ROR2: variants seen among roughly 807,000 people sequenced by gnomAD.
ROR2 encodes the protein tyrosine-protein kinase transmembrane receptor ROR2.
ROR2 carries 33 observed loss-of-function variants against 74.9 expected under a neutral mutation model. That is an observed-to-expected ratio of 0.44 (90% confidence interval 0.33 to 0.59). The LOEUF is 0.59. ROR2 is among the 20% of genes least tolerant of loss of function. The probability of loss-of-function intolerance (pLI) is 0.02; values close to 1 mark genes in which losing one functional copy is unlikely to be tolerated. For synonymous variants in ROR2, 586 were observed against 558.7 expected (o/e 1.05, Z -0.69); for missense variants, 1,216 against 1,313.8 (o/e 0.93, Z 1.15).
chr9:91,936,406 A>G (rs1174698810), intron 1 of ROR2, among the ~76,000 whole-genome samples: 1 of 152,074 alleles, frequency 6.6e-6, no homozygotes, highest in Non-Finnish European at 1.5e-5. Flanking sequence ...GCCACCTTTC[A>G]TGTCATCTGC....
intron 1 of ROR2, among the ~76,000 whole-genome samples, chr9:91,935,445 TC>T (rs1339809967): frequency 6.6e-6 from 1 of 152,196 alleles, no homozygotes; most frequent in Non-Finnish European, 1.5e-5. Context: ...CTCCATTTGG[TC>T]CTAACACAGC....
intron 1 of ROR2, among the ~76,000 whole-genome samples, chr9:91,857,360 A>C (rs1157796014): frequency 1.3e-5 from 2 of 152,324 alleles, no homozygotes; most frequent in East Asian, 1.9e-4. Flanking sequence ...CCGCCACTCC[A>C]GGTCCCAGCT....
chr9:91,744,291 T>C (rs1302321736), intron 4 of ROR2, among the ~76,000 whole-genome samples: 1 of 131,894 alleles, frequency 7.6e-6, no homozygotes, highest in Admixed American at 9.1e-5. Flanking sequence ...AGTATCACGA[T>C]CTTGGCTCAC....
intron 3 of ROR2, among the ~76,000 whole-genome samples, chr9:91,756,508 G>A (rs1251889121): frequency 1.3e-5 from 2 of 151,934 alleles, no homozygotes; most frequent in Admixed American, 1.3e-4. Context: ...CAGGTGTGAC[G>A]AGCACAGAGA....
chr9:91,868,417 G>A (rs1390747054), intron 1 of ROR2, among the ~76,000 whole-genome samples: 4 of 152,074 alleles, frequency 2.6e-5, no homozygotes, highest in Non-Finnish European at 5.9e-5. Context: ...GTGACGAAGT[G>A]ACTAAGAACT....
rs1369791247 is a variant in ROR2, at chr9:91,733,008, T to C, written c.937+114A>G. On this transcript the variant is annotated intron_variant, in intron 6 of 8. Coordinates refer to ENST00000375708, the MANE Select transcript of ROR2 (RefSeq NM_004560.4). The surrounding 1 kb of genome is among the most constrained non-coding windows in gnomAD (Gnocchi z 5.7). ...GGGCCCTCGGCTGCTAAGGGGGTTCTGTGGGGCCTGGACAGATGGGGCTCC... is the reference window on the plus strand; with the variant it reads ...GGGCCCTCGGCTGCTAAGGGGGTTCCGTGGGGCCTGGACAGATGGGGCTCC... 18 of 1,084,344 alleles carry C rather than the reference T, an allele frequency of 1.7e-5. No homozygotes were observed. The highest frequency in any genetic ancestry group is 2.3e-5 in the Non-Finnish European group (18 of 766,318). 67.2% of individuals were successfully genotyped at this position (1,084,344 alleles called of 1,614,324 possible). A position where few individuals can be genotyped will look rare whatever the true frequency, so the allele number is the denominator to read the frequency against.
At chr9:91,909,372 G>C (rs528937032) in intron 1 of ROR2, among the ~76,000 whole-genome samples, 28 of 152,278 alleles carry the variant, frequency 1.8e-4, no homozygotes, top group African/African-American at 6.7e-4. Context: ...GGTTTGGTTT[G>C]ATTTTGGAGT....
chr9:91,875,002 C>T (rs1041987578), intron 1 of ROR2, among the ~76,000 whole-genome samples: 1 of 151,894 alleles, frequency 6.6e-6, no homozygotes, highest in Non-Finnish European at 1.5e-5. Flanking sequence ...AAGCCTTGGC[C>T]TACCTCAAAA....
chr9:91,737,297 T>A, intron 5 of ROR2, 94 bp downstream of exon 5: 1 of 1,522,582 alleles, frequency 6.6e-7, no homozygotes, highest in Non-Finnish European at 9.1e-7. Flanking sequence ...CCACTGACCA[T>A]GCCATTAACT....
At chr9:91,907,693 A>C (rs1830855571) in intron 1 of ROR2, among the ~76,000 whole-genome samples, 1 of 152,100 alleles carries the variant, frequency 6.6e-6, no homozygotes, top group Non-Finnish European at 1.5e-5. Flanking sequence ...AATTCCTGAG[A>C]TCTATCCTCC....
intron 1 of ROR2, among the ~76,000 whole-genome samples, chr9:91,801,248 C>A (rs1263586279): frequency 6.6e-6 from 1 of 152,218 alleles, no homozygotes; most frequent in Admixed American, 6.5e-5. Flanking sequence ...AAGCGTTCAG[C>A]TCCAAATGTT....
chr9:91,948,721 A>G (rs1832078549), intron 1 of ROR2: 1 of 985,516 alleles, frequency 1.0e-6, no homozygotes, highest in African/African-American at 1.7e-5. Flanking sequence ...ACCTTCCTGC[A>G]GGAGTGCAGG....
intron 1 of ROR2, among the ~76,000 whole-genome samples, chr9:91,839,274 G>A (rs1266036000): frequency 1.4e-5 from 2 of 142,186 alleles, no homozygotes; most frequent in African/African-American, 6.0e-5. Flanking sequence ...GTGTGTGTGT[G>A]TGTGTGTGTG....
intron 1 of ROR2, among the ~76,000 whole-genome samples, chr9:91,884,981 C>T (rs1587819731): frequency 1.3e-5 from 2 of 152,162 alleles, no homozygotes; most frequent in African/African-American, 2.4e-5. Flanking sequence ...TCACTGCAAG[C>T]TTACAAAGCC....
chr9:91,949,246 T>A (rs1832102049), intron 1 of ROR2, among the ~76,000 whole-genome samples: 1 of 151,036 alleles, frequency 6.6e-6, no homozygotes, highest in African/African-American at 2.4e-5. Flanking sequence ...GAGAGGAGGT[T>A]TCAGGGACCA....
chr9:91,858,491 C>T (rs1325336089), intron 1 of ROR2, among the ~76,000 whole-genome samples: 2 of 152,158 alleles, frequency 1.3e-5, no homozygotes, highest in Admixed American at 6.5e-5. Context: ...CGGCTGCAGC[C>T]CCAAGGAAGT....
chr9:91,917,222 C>T (rs530230802), intron 1 of ROR2, among the ~76,000 whole-genome samples: 1 of 152,302 alleles, frequency 6.6e-6, no homozygotes, highest in East Asian at 1.9e-4. Context: ...ATTTTTTGTG[C>T]TGTCATTTAC....
At position 91,937,870 on chromosome 9, in the gene ROR2, C is replaced by T. The variant is rs191645184; in HGVS notation, c.97+11997G>A. On this transcript the variant is annotated intron_variant, in intron 1 of 8. Coordinates refer to ENST00000375708, the MANE Select transcript of ROR2 (RefSeq NM_004560.4). ...TTGGGACTACAGGCATGCACCACCACGCCCGGCTAATTTTTCATTTTTATT... is the reference window on the plus strand; with the variant it reads ...TTGGGACTACAGGCATGCACCACCATGCCCGGCTAATTTTTCATTTTTATT... Among the ~76,000 whole-genome samples, 756 of 152,192 alleles carry T rather than the reference C, an allele frequency of 5.0e-3. 15 individuals carry two copies. Among genetic ancestry groups the T allele is most frequent in the East Asian group, 0.011 (58 of 5,160 alleles).
At chr9:91,767,379 C>G (rs1318613841) in intron 2 of ROR2, among the ~76,000 whole-genome samples, 1 of 152,158 alleles carries the variant, frequency 6.6e-6, no homozygotes, top group Non-Finnish European at 1.5e-5. Context: ...AGCCGACTTA[C>G]GATTTTTAAA....
Sources: gnomAD v4.1 joint callset for allele counts (sites outside exome capture counted in the v4.1 genomes callset) on GRCh38, gnomAD v4.1.1 for gene constraint, Gnocchi (gnomAD v3.1) non-coding constraint, MANE v1.5 for transcripts, NCBI Gene and HGNC (gene_info 2026-07-23, HGNC 2026-07-21) for gene names.